CLDN16: variants seen among roughly 807,000 people sequenced by gnomAD.
CLDN16 encodes the protein claudin-16.
CLDN16 carries 13 observed loss-of-function variants against 24.6 expected under a neutral mutation model. That is an observed-to-expected ratio of 0.53 (90% CI 0.34 to 0.84). The LOEUF (loss-of-function observed/expected upper bound fraction) is 0.84, where lower values mean the gene tolerates loss of function less well. CLDN16 is among the 40% of genes least tolerant of loss of function. The probability of loss-of-function intolerance (pLI) is 0.01; values close to 1 mark genes in which losing one functional copy is unlikely to be tolerated. For missense variants in CLDN16, 298 were observed against 292.7 expected, an observed-to-expected ratio of 1.02 and a Z score of -0.13; for synonymous variants, 116 against 106.7, an observed-to-expected ratio of 1.09 and a Z score of -0.54.
At chr3:190,383,012 A>G (rs1320274044) in intron 3 of CLDN16, among the ~76,000 whole-genome samples, 2 of 152,126 alleles carry the variant, frequency 1.3e-5, no homozygotes, top group Non-Finnish European at 2.9e-5. Context: ...AGGATTTTAA[A>G]TTAGAATCAT....
chr3:190,391,473 T>C (rs1718663573), intron 1 of CLDN16, among the ~76,000 whole-genome samples: 1 of 152,038 alleles, frequency 6.6e-6, no homozygotes, highest in South Asian at 2.1e-4. Flanking sequence ...ATAAACGAAG[T>C]ATCATTGGGG....
intron 1 of CLDN16, among the ~76,000 whole-genome samples, chr3:190,331,615 T>C (rs750602177): frequency 8.5e-5 from 13 of 152,212 alleles, no homozygotes; most frequent in Admixed American, 8.5e-4. Flanking sequence ...CACGTACTTA[T>C]GTTGTTCATC....
intron 4 of CLDN16, among the ~76,000 whole-genome samples, chr3:190,409,253 C>CATGTATATATGCACACATGTGTATGT (rs1719203093): frequency 6.5e-5 from 7 of 107,072 alleles, no homozygotes; most frequent in African/African-American, 2.6e-4. Flanking sequence ...CACGTATATG[C>CATGTATATATGCACACATGTGTATGT]ATGTATATAT....
chr3:190,293,987 C>A, the CLDN16 span, among the ~76,000 whole-genome samples: 144 of 152,292 alleles, frequency 9.5e-4, 5 homozygotes, highest in South Asian at 0.028. Context: ...GTTCAATAAA[C>A]AAATGATTCT....
chr3:190,378,099 C>T (rs1262017998), intron 3 of CLDN16, among the ~76,000 whole-genome samples: 2 of 151,956 alleles, frequency 1.3e-5, no homozygotes, highest in Admixed American at 6.6e-5. Context: ...AGTTACCACC[C>T]CAATCATCTG....
chr3:190,366,455 A>G (rs571929544), intron 1 of CLDN16, among the ~76,000 whole-genome samples: 1 of 152,062 alleles, frequency 6.6e-6, no homozygotes, highest in Non-Finnish European at 1.5e-5. Flanking sequence ...ATTGTATCTT[A>G]GGCCCACTCC....
At chr3:190,302,248 C>A in the CLDN16 span, among the ~76,000 whole-genome samples, 1 of 152,168 alleles carries the variant, frequency 6.6e-6, no homozygotes, top group Admixed American at 6.5e-5. Flanking sequence ...AAACTGTTAC[C>A]TTCCTCCAAC....
intron 1 of CLDN16, among the ~76,000 whole-genome samples, chr3:190,391,208 G>GTTT (rs57481102): frequency 2.1e-3 from 291 of 135,772 alleles, no homozygotes; most frequent in Admixed American, 4.8e-3. Flanking sequence ...TACTTTTCCA[G>GTTT]TTTTTTTTTT....
chr3:190,312,853 G>A, the CLDN16 span: 4 of 1,613,540 alleles, frequency 2.5e-6, no homozygotes, highest in South Asian at 4.4e-5. Context: ...AGGTGAAAGG[G>A]GGGCACAGCC....
chr3:190,313,029 C>T, the CLDN16 span: 139 of 1,614,116 alleles, frequency 8.6e-5, no homozygotes, highest in Non-Finnish European at 1.1e-4. Context: ...GGGTTGCTTG[C>T]AATGTGCCTG....
chr3:190,364,923 T>C (rs1482799768), intron 1 of CLDN16, among the ~76,000 whole-genome samples: 1 of 151,722 alleles, frequency 6.6e-6, no homozygotes, highest in Non-Finnish European at 1.5e-5. Context: ...ATTTTAGGGC[T>C]TCTCTTCACC....
the CLDN16 span, among the ~76,000 whole-genome samples, chr3:190,314,432 T>C: frequency 6.6e-6 from 1 of 152,210 alleles, no homozygotes; most frequent in African/African-American, 2.4e-5. Flanking sequence ...TCTTGCTCTG[T>C]TGCCCAGGCT....
chr3:190,329,869 A>G (rs944110192), intron 1 of CLDN16, among the ~76,000 whole-genome samples: 35 of 152,108 alleles, frequency 2.3e-4, no homozygotes, highest in African/African-American at 8.0e-4. Flanking sequence ...GGATGTTAGT[A>G]TTATCTAGGT....
chr3:190,332,962 A>G (rs147781812), intron 1 of CLDN16, among the ~76,000 whole-genome samples: 2 of 152,292 alleles, frequency 1.3e-5, no homozygotes, highest in Non-Finnish European at 2.9e-5. Flanking sequence ...ATTAATTATT[A>G]GTCGTACACA....
Position 190,397,908 on chromosome 3 carries a change from G to T in CLDN16, c.115-4429G>T, listed in dbSNP as rs145042420. Among the ~76,000 whole-genome samples, 240 of 152,304 alleles carry T rather than the reference G, an allele frequency of 1.6e-3. 1 individual carries two copies. Among genetic ancestry groups the T allele is most frequent in the African/African-American group, 5.5e-3 (229 of 41,564 alleles). On this transcript the variant is annotated intron_variant, in intron 1 of 4. Coordinates refer to ENST00000264734, the MANE Select transcript of CLDN16 (RefSeq NM_006580.4). ...GCAAGATGGAAATACTCTTATTTGT[G>T]TAAAATAAGAATTTTTGAATATGCA...
chr3:190,403,559 G>A (rs1311932698), intron 2 of CLDN16, among the ~76,000 whole-genome samples: 1 of 152,114 alleles, frequency 6.6e-6, no homozygotes, highest in Non-Finnish European at 1.5e-5. Flanking sequence ...GATGGGTGAT[G>A]GCACCATAAG....
intron 3 of CLDN16, among the ~76,000 whole-genome samples, chr3:190,407,028 A>C (rs997816201): frequency 6.6e-6 from 1 of 152,020 alleles, no homozygotes; most frequent in Non-Finnish European, 1.5e-5. Flanking sequence ...GTGTGAGCCA[A>C]TGTGCCCGGC....
chr3:190,371,748 GTCCAATTCAA>G (rs1390022850), intron 2 of CLDN16, among the ~76,000 whole-genome samples: 38 of 151,940 alleles, frequency 2.5e-4, no homozygotes, highest in African/African-American at 8.9e-4. Flanking sequence ...TAAATATTCT[GTCCAATTCAA>G]CTGGCAGCTG....
intron 3 of CLDN16, among the ~76,000 whole-genome samples, chr3:190,379,515 G>T (rs902769237): frequency 9.2e-5 from 14 of 152,186 alleles, no homozygotes; most frequent in Middle Eastern, 3.4e-3. Flanking sequence ...CAACATATAT[G>T]TATTAAAACC....
Sources: gnomAD v4.1 joint callset for allele counts (sites outside exome capture counted in the v4.1 genomes callset) on GRCh38, gnomAD v4.1.1 for gene constraint, MANE v1.5 for transcripts, NCBI Gene and HGNC (gene_info 2026-07-23, HGNC 2026-07-21) for gene names.